Variants in GSN observed in about 807,000 individuals in gnomAD.
GSN encodes the protein actin-depolymerizing factor.
GSN carries 56 observed loss-of-function variants against 85.7 expected under a neutral mutation model. The ratio of observed to expected loss-of-function variants is 0.65; its 90% confidence interval spans 0.53 to 0.82. The LOEUF (loss-of-function observed/expected upper bound fraction) is 0.82. Ranked by LOEUF, GSN falls within the 40% of genes least tolerant of loss-of-function variation. The pLI is 0.00. For synonymous variants in GSN, 373 were observed against 399.1 expected, an observed-to-expected ratio of 0.93 and a Z score of 0.78; for missense variants, 857 against 979.8, an observed-to-expected ratio of 0.87 and a Z score of 1.67.
At chr9:121,218,585 A>G (rs1186908973) in intron 4 of GSN, among the ~76,000 whole-genome samples, 1 of 152,252 alleles carries the variant, frequency 6.6e-6, no homozygotes, top group Non-Finnish European at 1.5e-5. Flanking sequence ...CAGTAAGCCG[A>G]TAACGCACCA....
intron 3 of GSN, among the ~76,000 whole-genome samples, chr9:121,210,539 C>T (rs1208577890): frequency 6.6e-6 from 1 of 152,216 alleles, no homozygotes; most frequent in African/African-American, 2.4e-5. Flanking sequence ...CTGAGAGCTG[C>T]TAATATCTGG....
At chr9:121,292,987 C>G (rs190675130) in intron 2 of GSN, among the ~76,000 whole-genome samples, 1 of 152,220 alleles carries the variant, frequency 6.6e-6, no homozygotes, top group Non-Finnish European at 1.5e-5. Context: ...AATGGGCTCA[C>G]ACTTCCTGCC....
At chr9:121,330,258 A>G (rs2063740952) in intron 16 of GSN, among the ~76,000 whole-genome samples, 1 of 152,182 alleles carries the variant, frequency 6.6e-6, no homozygotes, top group Admixed American at 6.5e-5. Context: ...CTTCCACTTT[A>G]GTTGGGAACA....
At chr9:121,249,577 G>A (rs2054773962) in intron 6 of GSN, among the ~76,000 whole-genome samples, 1 of 152,142 alleles carries the variant, frequency 6.6e-6, no homozygotes, top group African/African-American at 2.4e-5. Context: ...TCCTTTCAGA[G>A]GATATATTTC....
chr9:121,265,966 G>C (rs1169784368), upstream of GSN, among the ~76,000 whole-genome samples: 2 of 152,170 alleles, frequency 1.3e-5, no homozygotes, highest in Non-Finnish European at 2.9e-5. Context: ...TCCTAGAGGA[G>C]CACTCCCATG....
chr9:121,328,388 C>A (rs549936906), intron 14 of GSN, among the ~76,000 whole-genome samples: 1 of 152,282 alleles, frequency 6.6e-6, no homozygotes, highest in Admixed American at 6.5e-5. Flanking sequence ...ACTTGAAATG[C>A]GACCAGTGGG....
At chr9:121,288,854 T>C (rs2058401787) in intron 2 of GSN, among the ~76,000 whole-genome samples, 1 of 152,172 alleles carries the variant, frequency 6.6e-6, no homozygotes, top group Non-Finnish European at 1.5e-5. Context: ...AGACATCACA[T>C]GGTGCATGAA....
intron 4 of GSN, among the ~76,000 whole-genome samples, chr9:121,304,512 G>T (rs1409201637): frequency 6.6e-6 from 1 of 152,248 alleles, no homozygotes; most frequent in African/African-American, 2.4e-5. Context: ...TGGGATTCAG[G>T]TTGGAAGGCT....
At chr9:121,331,510 G>C in intron 17 of GSN, 62 bp downstream of exon 17, 1 of 979,706 alleles carries the variant, frequency 1.0e-6, no homozygotes. Flanking sequence ...TGCTGGGAGT[G>C]GCTCCTGTAC....
intron 11 of GSN, among the ~76,000 whole-genome samples, chr9:121,324,152 C>A (rs765750341): frequency 1.3e-5 from 2 of 152,224 alleles, no homozygotes; most frequent in East Asian, 3.8e-4. Flanking sequence ...TCACTGACAT[C>A]TTTTCCCACA....
At chr9:121,302,218 C>G (rs765037996) in intron 3 of GSN, 51 bp downstream of exon 3, 1 of 1,597,342 alleles carries the variant, frequency 6.3e-7, no homozygotes, top group East Asian at 2.2e-5. Context: ...CTGAACAGTG[C>G]AGACCTTTGG....
At chr9:121,326,718 C>G (rs1162696123) in intron 13 of GSN, 36 bp downstream of exon 13, 2 of 1,574,654 alleles carry the variant, frequency 1.3e-6, no homozygotes, top group African/African-American at 1.3e-5. Flanking sequence ...AAGGGATTGG[C>G]CTCCCTGAAA....
At chr9:121,302,277 T>C (rs1259709934) in intron 3 of GSN, 110 bp downstream of exon 3, 7 of 1,274,882 alleles carry the variant, frequency 5.5e-6, no homozygotes, top group Non-Finnish European at 6.8e-6. Flanking sequence ...TAGTATGTGC[T>C]GGGCCCTTGA....
At chr9:121,236,795 A>G (rs937020851) in intron 5 of GSN, among the ~76,000 whole-genome samples, 1 of 152,244 alleles carries the variant, frequency 6.6e-6, no homozygotes, top group Non-Finnish European at 1.5e-5. Context: ...CTGTGCCACA[A>G]CATTACCCTG....
At chr9:121,203,992 G>A (rs1364240600), upstream of GSN, among the ~76,000 whole-genome samples, 2 of 152,126 alleles carry the variant, frequency 1.3e-5, no homozygotes, top group Non-Finnish European at 2.9e-5. Flanking sequence ...ATTTGCCTGT[G>A]CCAAGTAAAG....
chr9:121,253,227 G>C (rs1051064273), intron 6 of GSN, among the ~76,000 whole-genome samples: 1 of 152,198 alleles, frequency 6.6e-6, no homozygotes, highest in African/African-American at 2.4e-5. Flanking sequence ...ACAAATTTTG[G>C]TGGTCACAAG....
intron 7 of GSN, 83 bp from the exon 8 acceptor site, chr9:121,317,003 G>C (rs982580369): frequency 6.3e-6 from 10 of 1,575,594 alleles, no homozygotes; most frequent in Admixed American, 1.7e-5. Context: ...TTTGGGACAG[G>C]GGGTGGGGCA....
upstream of GSN, among the ~76,000 whole-genome samples, chr9:121,266,017 C>T (rs1364552848): frequency 6.6e-6 from 1 of 152,174 alleles, no homozygotes; most frequent in African/African-American, 2.4e-5. Context: ...ATCAATCAAT[C>T]ATCATCATCA....
At chr9:121,290,238 C>T (rs190805826) in intron 2 of GSN, among the ~76,000 whole-genome samples, 18 of 151,984 alleles carry the variant, frequency 1.2e-4, no homozygotes, top group Admixed American at 4.6e-4. Context: ...AAAGCACACC[C>T]GGGGACAGAA....
Sources: gnomAD v4.1 joint callset for allele counts (sites outside exome capture counted in the v4.1 genomes callset) on GRCh38, gnomAD v4.1.1 for gene constraint, MANE v1.5 for transcripts, NCBI Gene and HGNC (gene_info 2026-07-23, HGNC 2026-07-21) for gene names.